Variants in PAH observed in about 807,000 individuals in gnomAD.
PAH encodes phenylalanine hydroxylase, also known as phenylalanine-4-hydroxylase.
PAH carries 64 observed loss-of-function variants against 62.0 expected under a neutral mutation model. The observed-to-expected ratio is 1.03, with a 90% confidence interval of 0.84 to 1.27. PAH has a LOEUF of 1.27. Ranked by LOEUF, PAH falls within the 50% of genes most tolerant of loss-of-function variation. The probability of loss-of-function intolerance (pLI) is 0.00; values close to 1 mark genes in which losing one functional copy is unlikely to be tolerated. For missense variants in PAH, 579 were observed against 542.8 expected, an observed-to-expected ratio of 1.07 and a Z score of -0.66; for synonymous variants, 195 against 196.2, an observed-to-expected ratio of 0.99 and a Z score of 0.05.
chr12:102,895,051 T>C (rs1213034015), intron 2 of PAH, 133 bp from the exon 3 acceptor site: 9 of 737,380 alleles, frequency 1.2e-5, no homozygotes, highest in East Asian at 5.4e-5. Context: ...TATAAGAGTA[T>C]AAAAAAGTCC....
At chr12:102,955,987 C>T (rs1272849218) in intron 1 of PAH, among the ~76,000 whole-genome samples, 1 of 152,134 alleles carries the variant, frequency 6.6e-6, no homozygotes, top group African/African-American at 2.4e-5. Flanking sequence ...CTTCGGGAGC[C>T]GCCCGTCATT....
chr12:102,883,591 A>G lies in PAH; in HGVS notation c.353-6041T>C, dbSNP rs563339458. 5.3e-5 allele frequency among the ~76,000 whole-genome samples: 8 copies of G among 152,362 alleles called. No individual in the cohort carries two copies. In the South Asian group the frequency reaches 1.7e-3, roughly 32 times the overall value. ...TCAGAGGATTCAAGTCTTTGTAAAA[A>G]GAAGACAAAGATCAAAACAGCTCAC... On this transcript the variant is annotated intron_variant, in intron 3 of 12. Transcript: ENST00000553106.
intron 5 of PAH, 43 bp from the exon 6 acceptor site, chr12:102,855,375 G>C: frequency 2.6e-6 from 4 of 1,564,670 alleles, no homozygotes; most frequent in Non-Finnish European, 3.5e-6. Flanking sequence ...CAGGGCAGGG[G>C]CACAGCAGAA....
chr12:102,912,685 A>C, intron 2 of PAH, 106 bp downstream of exon 2: 1 of 838,274 alleles, frequency 1.2e-6, no homozygotes, highest in East Asian at 2.5e-5. Context: ...CTCAAATTCA[A>C]ATCTGCCTGT....
At chr12:102,866,083 GA>G (rs3062690) in intron 5 of PAH, among the ~76,000 whole-genome samples, 23 of 144,856 alleles carry the variant, frequency 1.6e-4, no homozygotes, top group East Asian at 1.4e-3. Flanking sequence ...CCCCAGACAG[GA>G]AAAAAAAAAA....
chr12:102,927,418 C>T (rs950056928), intron 1 of PAH, among the ~76,000 whole-genome samples: 4 of 151,644 alleles, frequency 2.6e-5, no homozygotes, highest in Non-Finnish European at 5.9e-5. Context: ...TCTGTCTCCT[C>T]TCCTGGACTA....
intron 3 of PAH, among the ~76,000 whole-genome samples, chr12:102,890,442 C>T (rs1004992957): frequency 2.0e-5 from 3 of 152,194 alleles, no homozygotes. Flanking sequence ...CCCCACTTCA[C>T]GGAAACTACC....
intron 1 of PAH, chr12:102,923,742 G>A (rs1271200597): frequency 6.6e-6 from 1 of 152,104 alleles, no homozygotes; most frequent in African/African-American, 2.4e-5. Context: ...TCTCTAATGG[G>A]ATATTTTGTA....
At chr12:102,853,374 T>C in intron 6 of PAH, 1 of 306,680 alleles carries the variant, frequency 3.3e-6, no homozygotes, top group Non-Finnish European at 6.3e-6. Flanking sequence ...GGGAAGAGTA[T>C]GGATAGAGTG....
At chr12:102,861,858 T>G (rs1264618047) in intron 5 of PAH, among the ~76,000 whole-genome samples, 1 of 151,266 alleles carries the variant, frequency 6.6e-6, no homozygotes, top group Non-Finnish European at 1.5e-5. Flanking sequence ...AGGGATAGCA[T>G]TAGGAGATAT....
At position 102,917,226 on chromosome 12, in the gene PAH, C is replaced by CT. The variant is rs1261846981; in HGVS notation, c.-97dup. On this transcript the variant is annotated 5_prime_UTR_variant, in exon 1 of 13. Coordinates refer to ENST00000553106, the MANE Select transcript of PAH (RefSeq NM_000277.3). ...TGGGGCTGAAGGTTTTAACCTCGCA[C>CT]TAGGGAGGAGAAGAGAGTTACAAAG... 6 of 1,014,108 alleles carry CT rather than the reference C, an allele frequency of 5.9e-6. No individual in the cohort carries two copies. In the African/African-American group the frequency reaches 9.5e-5, roughly 16 times the overall value. The allele number at this position is 1,014,108 out of a possible 1,614,324, so 62.8% of individuals were successfully genotyped here.
At chr12:102,955,772 A>G (rs117048437), upstream of PAH, among the ~76,000 whole-genome samples, 1 of 152,090 alleles carries the variant, frequency 6.6e-6, no homozygotes, top group African/African-American at 2.4e-5. Flanking sequence ...TTGGTCAGGG[A>G]TGTGGAGAAA....
intron 2 of PAH, among the ~76,000 whole-genome samples, chr12:102,905,234 T>A (rs896968114): frequency 6.6e-6 from 1 of 152,190 alleles, no homozygotes; most frequent in Non-Finnish European, 1.5e-5. Flanking sequence ...GCTACTATAA[T>A]GTTTGGAACC....
upstream of PAH, among the ~76,000 whole-genome samples, chr12:102,951,657 C>T (rs577490725): frequency 6.5e-4 from 99 of 152,254 alleles, 1 homozygote; most frequent in African/African-American, 2.3e-3. Context: ...CAAGAGGATC[C>T]ACAAAGTGGG....
intron 4 of PAH, among the ~76,000 whole-genome samples, chr12:102,867,408 T>C (rs1199588464): frequency 6.6e-6 from 1 of 152,214 alleles, no homozygotes; most frequent in Non-Finnish European, 1.5e-5. Flanking sequence ...TCCCAGTGAT[T>C]TGTAAGCAGC....
chr12:102,951,155 G>A (rs1879746490), upstream of PAH, among the ~76,000 whole-genome samples: 2 of 152,134 alleles, frequency 1.3e-5, no homozygotes, highest in African/African-American at 4.8e-5. Flanking sequence ...CATGAGCTGT[G>A]GCTAACACGC....
chr12:102,916,371 G>A (rs148058328), intron 1 of PAH, among the ~76,000 whole-genome samples: 28 of 152,082 alleles, frequency 1.8e-4, no homozygotes, highest in African/African-American at 6.3e-4. Context: ...TCCTCCCATG[G>A]GTAAATATGT....
intron 3 of PAH, among the ~76,000 whole-genome samples, chr12:102,883,280 C>A (rs1462365365): frequency 6.6e-6 from 1 of 152,174 alleles, no homozygotes; most frequent in African/African-American, 2.4e-5. Context: ...AAATGCACAG[C>A]CTCATTTTCC....
At chr12:102,937,062 CT>C (rs545471916) in intron 1 of PAH, among the ~76,000 whole-genome samples, 9 of 152,346 alleles carry the variant, frequency 5.9e-5, no homozygotes, top group African/African-American at 2.2e-4. Context: ...GGCACTCCTT[CT>C]TGCTGCCACC....
Sources: gnomAD v4.1 joint callset for allele counts (sites outside exome capture counted in the v4.1 genomes callset) on GRCh38, gnomAD v4.1.1 for gene constraint, MANE v1.5 for transcripts, NCBI Gene and HGNC (gene_info 2026-07-23, HGNC 2026-07-21) for gene names.